PROX1: variants seen among roughly 807,000 people sequenced by gnomAD.
The protein encoded by PROX1 is prospero homeobox protein 1.
A neutral mutation model predicts 58.8 loss-of-function variants in PROX1; 7 were observed. The observed-to-expected ratio is 0.12, with a 90% CI of 0.07 to 0.22. The LOEUF (loss-of-function observed/expected upper bound fraction) is 0.22, where lower values mean the gene tolerates loss of function less well. PROX1 is among the 10% of genes least tolerant of loss of function. The probability of loss-of-function intolerance (pLI) is 1.00; values close to 1 mark genes in which losing one functional copy is unlikely to be tolerated. For missense variants in PROX1, 675 were observed against 927.8 expected (o/e 0.73, Z 3.54); for synonymous variants, 350 against 358.3 (o/e 0.98, Z 0.26).
At chr1:214,030,055 A>T (rs1664593212) in intron 4 of PROX1, 1 of 152,618 alleles carries the variant, frequency 6.6e-6, no homozygotes, top group Admixed American at 6.5e-5. Context: ...CAGCAGATGC[A>T]GACAAAAGGG....
chr1:214,025,378 G>C (rs1409363687), intron 4 of PROX1, among the ~76,000 whole-genome samples: 2 of 152,238 alleles, frequency 1.3e-5, no homozygotes, highest in African/African-American at 4.8e-5. Context: ...TAGCCCTCAA[G>C]TTTGGCTAAA....
chr1:214,000,613 C>A lies in PROX1; in HGVS notation c.1725+2353C>A, dbSNP rs189958966. 6.0e-4 allele frequency among the ~76,000 whole-genome samples: 91 copies of A among 152,288 alleles called. 2 individuals are homozygous for A. The highest frequency in any genetic ancestry group is 3.9e-3 in the East Asian group (20 of 5,184). On this transcript the variant is annotated intron_variant, in intron 2 of 4. Transcript: ENST00000366958. ...ATTTTCCACCTTTTGGCCTTCTATG[C>A]TCCTATTCTTTTCCCCCCTCTACTA...
rs751167669 is a variant in PROX1, at chr1:213,997,901, G to A, written c.1366G>A (p.Ala456Thr). ...CTCTGACCAGTCTGCCTCCGGCCCT[G>A]CCGCTGGCGGCCACCACCAGCCCCT... ...NSSDQSASGPAAGGHHQPLHQ... is the reference protein window; with the variant it reads ...NSSDQSASGPTAGGHHQPLHQ... Residue 456 changes from alanine (A) to threonine (T), a missense_variant, in exon 2 of 5, where the codon GCC (alanine) becomes ACC (threonine). Around this residue, in one of 8 missense-constraint regions of PROX1, gnomAD observed 403 missense variants for 477.4 expected, o/e 0.84. Coordinates refer to ENST00000366958, the MANE Select transcript of PROX1 (RefSeq NM_001270616.2). The surrounding 1 kb of genome is among the most constrained non-coding windows in gnomAD (Gnocchi z 7.1). 4 of 1,612,434 alleles carry A rather than the reference G, an allele frequency of 2.5e-6. No homozygotes were observed. In the Admixed American group the frequency reaches 6.7e-5, roughly 27 times the overall value.
rs145877478 is a variant in PROX1, at chr1:214,036,117, C to T, written c.*283C>T. 82 of 235,442 alleles carry T rather than the reference C, an allele frequency of 3.5e-4. 1 individual carries two copies. In the Middle Eastern group the frequency reaches 4.4e-3, roughly 13 times the overall value. 14.6% of individuals were successfully genotyped at this position (235,442 alleles called of 1,614,324 possible). A position where few individuals can be genotyped will look rare whatever the true frequency, so the allele number is the denominator to read the frequency against. ...AATTTTCAGGGAAAAAGAATGTTGG[C>T]GTGTGTAAAGTCTCTATTAGCAATG... On this transcript the variant is annotated 3_prime_UTR_variant, in exon 5 of 5. Coordinates refer to ENST00000366958, the MANE Select transcript of PROX1 (RefSeq NM_001270616.2).
chr1:214,021,104 G>A (rs1336525472), intron 4 of PROX1, among the ~76,000 whole-genome samples: 1 of 152,238 alleles, frequency 6.6e-6, no homozygotes, highest in East Asian at 1.9e-4. Flanking sequence ...CATATTGGGA[G>A]AGGCTGGTAC....
At chr1:213,989,764 G>A (rs1662955763) in intron 1 of PROX1, 1 of 152,356 alleles carries the variant, frequency 6.6e-6, no homozygotes, top group African/African-American at 2.4e-5. Flanking sequence ...GATGGAGCGT[G>A]GGGATGGTAA....
At chr1:214,028,340 A>G (rs555180964) in intron 4 of PROX1, among the ~76,000 whole-genome samples, 1 of 152,282 alleles carries the variant, frequency 6.6e-6, no homozygotes, top group South Asian at 2.1e-4. Flanking sequence ...TTCAATACAC[A>G]AAACCTAATC....
At chr1:214,001,770 T>C (rs1663519888) in intron 2 of PROX1, among the ~76,000 whole-genome samples, 1 of 152,122 alleles carries the variant, frequency 6.6e-6, no homozygotes, top group Non-Finnish European at 1.5e-5. Context: ...ATAGTACTTA[T>C]ATTAGCTAGA....
In PROX1 at chr1:213,997,375, C is replaced by T. The variant is rs1382687371; in HGVS notation, c.840C>T (p.Arg280=). 2.5e-6 allele frequency: 4 copies of T among 1,614,104 alleles called. No individual in the cohort carries two copies. The highest frequency in any genetic ancestry group is 2.2e-5 in the East Asian group (1 of 44,866). Residue 280 remains arginine (R), a synonymous_variant, in exon 2 of 5, where the codon CGC becomes CGT. Coordinates refer to ENST00000366958, the MANE Select transcript of PROX1 (RefSeq NM_001270616.2). The surrounding 1 kb of genome is among the most constrained non-coding windows in gnomAD (Gnocchi z 7.1). ...GTAACCTGTCTGAAGACAGCATGCG[C>T]TCGGAGATCCTGGATGCCAGGGCCC... The part of the protein sequence containing the change: ...EDGNLSEDSM[R]SEILDARAQD...
At chr1:213,999,515 G>A (rs181965826) in intron 2 of PROX1, among the ~76,000 whole-genome samples, 15 of 152,250 alleles carry the variant, frequency 9.9e-5, no homozygotes, top group East Asian at 3.9e-4. Context: ...AGTGGAGGTC[G>A]TACTTCAAGC....
rs1663301962 is a variant in PROX1 at position 213,997,242 on chromosome 1, G to A, written c.707G>A (p.Arg236His). 2.5e-6 allele frequency: 4 copies of A among 1,612,796 alleles called. No homozygotes were observed. The highest frequency in any genetic ancestry group is 3.4e-6 in the Non-Finnish European group (4 of 1,179,486). ...CGAAAAGAACAGAAGCGAGAGGAGC[G>A]CCGACAGCTGAAACAGCAGCTGGAG... ...SARKEQKREE[R>H]RQLKQQLEDM... Residue 236 changes from arginine (R) to histidine (H), a missense_variant, in exon 2 of 5, where the codon CGC becomes CAC. Physicochemically the swap from Arg to His is conservative, Grantham distance 29. Around this residue, in one of 8 missense-constraint regions of PROX1, gnomAD observed 403 missense variants for 477.4 expected, o/e 0.84. Coordinates refer to ENST00000366958, the MANE Select transcript of PROX1 (RefSeq NM_001270616.2). The surrounding 1 kb of genome is among the most constrained non-coding windows in gnomAD (Gnocchi z 7.1).
intron 1 of PROX1, among the ~76,000 whole-genome samples, chr1:213,993,149 A>T (rs970882559): frequency 4.6e-5 from 7 of 152,184 alleles, no homozygotes; most frequent in African/African-American, 1.4e-4. Flanking sequence ...ATATTTAATG[A>T]TGAAAAACTC....
At chr1:213,990,630 CAGAGAGAGAGAG>C (rs71165943) in intron 1 of PROX1, among the ~76,000 whole-genome samples, 2 of 139,606 alleles carry the variant, frequency 1.4e-5, no homozygotes, top group African/African-American at 2.7e-5. Context: ...CTGTGCTTGG[CAGAGAGAGAGAG>C]AGAGAGAGAG....
At chr1:214,016,187 A>C (rs1273978251) in intron 4 of PROX1, among the ~76,000 whole-genome samples, 1 of 152,132 alleles carries the variant, frequency 6.6e-6, no homozygotes, top group Non-Finnish European at 1.5e-5. Flanking sequence ...AGAAAATAAA[A>C]AACAACACCC....
At position 213,996,766 on chromosome 1, in the gene PROX1, G is replaced by A. The variant is rs764449875; in HGVS notation, c.231G>A (p.Ala77=). The A allele has an allele frequency of 4.3e-6, 7 of 1,614,130 alleles. No homozygotes were observed. The highest frequency in any genetic ancestry group is 3.3e-5 in the Admixed American group (2 of 60,012). The part of the protein sequence containing the change: ...SNVLRKLLKR[A]NSYEDAMMPF... ...TACTCCGCAAGCTGCTGAAGAGGGC[G>A]AACTCGTATGAAGATGCCATGATGC... The change falls in exon 2 of 5, where the codon GCG becomes GCA. Residue 77 remains alanine, a synonymous_variant. Transcript: ENST00000366958.
chr1:214,013,654 T>G (rs447176), intron 4 of PROX1, among the ~76,000 whole-genome samples: 1 of 152,130 alleles, frequency 6.6e-6, no homozygotes, highest in African/African-American at 2.4e-5. Flanking sequence ...AAACAGGGGA[T>G]GGCTGGCATC....
In PROX1 at chr1:213,998,282, G is replaced by T. The variant is rs200449347; in HGVS notation, c.1725+22G>T. 1.3e-4 allele frequency: 200 copies of T among 1,516,918 alleles called. No homozygotes were observed. In the South Asian group the frequency reaches 2.1e-3, roughly 16 times the overall value. 94.0% of individuals were successfully genotyped at this position (1,516,918 alleles called of 1,614,324 possible). On this transcript the variant is annotated intron_variant, in intron 2 of 4. Coordinates refer to ENST00000366958, the MANE Select transcript of PROX1 (RefSeq NM_001270616.2). ...TGCAATATCCTTTTATTTTCCCCTCGAGGAAAAAACAAACCAAAAAAGGTT... is the reference window on the plus strand; with the variant it reads ...TGCAATATCCTTTTATTTTCCCCTCTAGGAAAAAACAAACCAAAAAAGGTT...
chr1:213,994,775 ATATATATATATATATATATATATATAT>A lies in PROX1; in HGVS notation c.-67-1693_-67-1667del, dbSNP rs1289966491. Among the ~76,000 whole-genome samples, 113 of 36,938 alleles carry A rather than the reference ATATATATATATATATATATATATATAT, an allele frequency of 3.1e-3. 2 individuals are homozygous for A. The highest frequency in any genetic ancestry group is 8.3e-3 in the African/African-American group (107 of 12,930). 24.2% of individuals were successfully genotyped at this position (36,938 alleles called of 152,430 possible). On this transcript the variant is annotated intron_variant, in intron 1 of 4. Transcript: ENST00000366958. ...AATATATATATATATATATATATAT[ATATATATATATATATATATATATATAT>A]AAAGAGGTATCATTTTGCTTTCATG... is the stretch of plus-strand genomic sequence containing the variant.
rs745794343 is a variant in PROX1, at chr1:213,996,739, T to A, written c.204T>A (p.Asn68Lys). The A allele has an allele frequency of 1.3e-5, 21 of 1,614,038 alleles. No individual in the cohort carries two copies. The highest frequency in any genetic ancestry group is 1.0e-4 in the Admixed American group (6 of 60,002). ...VVQHADGEKS[N>K]VLRKLLKRAN... Reference sequence around the variant, plus strand: ...AGCATGCAGATGGGGAAAAGTCAAATGTACTCCGCAAGCTGCTGAAGAGGG... The same window carrying A: ...AGCATGCAGATGGGGAAAAGTCAAAAGTACTCCGCAAGCTGCTGAAGAGGG... Residue 68 changes from asparagine to lysine, a missense_variant, in exon 2 of 5, where the codon AAT becomes AAA. Around this residue, in one of 8 missense-constraint regions of PROX1, gnomAD observed 157 missense variants for 197.8 expected, o/e 0.79. Coordinates refer to ENST00000366958, the MANE Select transcript of PROX1 (RefSeq NM_001270616.2).
Sources: gnomAD v4.1 joint callset for allele counts (sites outside exome capture counted in the v4.1 genomes callset) on GRCh38, gnomAD v4.1.1 for gene constraint, gnomAD v4.1.1 regional missense constraint, Gnocchi (gnomAD v3.1) non-coding constraint, MANE v1.5 for transcripts, NCBI Gene and HGNC (gene_info 2026-07-23, HGNC 2026-07-21) for gene names.